TRIM39: variants seen among roughly 807,000 people sequenced by gnomAD.
TRIM39 encodes the protein tripartite motif containing 39.
TRIM39 carries 5 observed loss-of-function variants against 53.6 expected under a neutral mutation model. The ratio of observed to expected loss-of-function variants is 0.09; its 90% CI spans 0.05 to 0.20. TRIM39 has a LOEUF of 0.20. Ranked by LOEUF, TRIM39 falls within the 10% of genes least tolerant of loss-of-function variation. The probability of loss-of-function intolerance (pLI) is 1.00; values close to 1 mark genes in which losing one functional copy is unlikely to be tolerated. For synonymous variants in TRIM39, 196 were observed against 237.6 expected, an observed-to-expected ratio of 0.82 and a Z score of 1.61; for missense variants, 310 against 621.0, an observed-to-expected ratio of 0.50 and a Z score of 5.32.
chr6:30,333,381 G>T (rs1316220033), intron 4 of TRIM39, among the ~76,000 whole-genome samples: 1 of 132,994 alleles, frequency 7.5e-6, no homozygotes, highest in African/African-American at 2.8e-5. Flanking sequence ...TTTTTGAGAC[G>T]GCGTCTCGCT....
rs1785817890 is a variant in TRIM39 at position 30,329,230 on chromosome 6, G to T, written c.-7-81G>T. 2.8e-6 allele frequency: 4 copies of T among 1,448,812 alleles called. 1 individual carries two copies. The Admixed American group carries it at 6.8e-5, about 25-fold the overall frequency. The allele number at this position is 1,448,812 out of a possible 1,614,324, so 89.7% of individuals were successfully genotyped here. Reference sequence around the variant, plus strand: ...GGACTTAACATAGGGATAAATGTCGGGTCAGGGATGCAAAAAAAAAAAAAA... The same window carrying T: ...GGACTTAACATAGGGATAAATGTCGTGTCAGGGATGCAAAAAAAAAAAAAA... On this transcript the variant is annotated intron_variant, in intron 2 of 7. Coordinates refer to ENST00000396551, the Ensembl canonical transcript of TRIM39.
rs190418267 is a variant in TRIM39 at position 30,338,108 on chromosome 6, A to G, written c.781-1800A>G. 2.0e-5 allele frequency among the ~76,000 whole-genome samples: 3 copies of G among 152,342 alleles called. No individual in the cohort carries two copies. The East Asian group carries it at 5.8e-4, about 29-fold the overall frequency. On this transcript the variant is annotated intron_variant, in intron 5 of 7. Coordinates refer to ENST00000396551, the Ensembl canonical transcript of TRIM39. The surrounding 1 kb of genome is among the most constrained non-coding windows in gnomAD (Gnocchi z 4.0). ...GGCTTTGGCTTAAGGGAATCATGTGATCTTATATCCAGATCACTAAAATTT... is the reference window on the plus strand; with the variant it reads ...GGCTTTGGCTTAAGGGAATCATGTGGTCTTATATCCAGATCACTAAAATTT...
At position 30,338,266 on chromosome 6, in the gene TRIM39, G is replaced by A. The variant is rs899875464; in HGVS notation, c.781-1642G>A. 1.3e-5 allele frequency among the ~76,000 whole-genome samples: 2 copies of A among 152,168 alleles called. No individual in the cohort carries two copies. Among genetic ancestry groups the A allele is most frequent in the African/African-American group, 4.8e-5 (2 of 41,438 alleles). ...CTTGGTGTTTGGCACAAGAGGCCTA[G>A]CTTTCAGCCCATCTTGGCTTTCAAT... On this transcript the variant is annotated intron_variant, in intron 5 of 7. Coordinates refer to ENST00000396551, the Ensembl canonical transcript of TRIM39. The surrounding 1 kb of genome is among the most constrained non-coding windows in gnomAD (Gnocchi z 4.0).
At chr6:30,343,173 A>G (rs1197965160) in exon 8 of TRIM39, 1 of 152,642 alleles carries the variant, frequency 6.6e-6, no homozygotes, top group Non-Finnish European at 1.5e-5. Context: ...GGCCTTAAAG[A>G]ATGTTACTTA....
At chr6:30,341,207 CA>C (rs113344801) in intron 7 of TRIM39, among the ~76,000 whole-genome samples, 2,162 of 72,384 alleles carry the variant, frequency 0.03, 29 homozygotes, top group African/African-American at 0.087. Flanking sequence ...GATTCCATCT[CA>C]AAAAAAAAAA....
chr6:30,339,800 C>G lies in TRIM39; in HGVS notation c.781-108C>G. The G allele has an allele frequency of 6.8e-7, 1 of 1,474,112 alleles. No homozygotes were observed. Among genetic ancestry groups the G allele is most frequent in the South Asian group, 1.2e-5 (1 of 85,318 alleles). The allele number at this position is 1,474,112 out of a possible 1,614,324, so 91.3% of individuals were successfully genotyped here. On this transcript the variant is annotated intron_variant, in intron 5 of 7. Transcript: ENST00000396551. The surrounding 1 kb of genome is among the most constrained non-coding windows in gnomAD (Gnocchi z 4.2). ...TGCACTGTGTGACCCTCAGTTTATC[C>G]TATCCCTATTTTATAGCTGTGGAAC...
At chr6:30,333,895 G>A (rs1177454429) in intron 4 of TRIM39, among the ~76,000 whole-genome samples, 2 of 152,026 alleles carry the variant, frequency 1.3e-5, no homozygotes, top group Admixed American at 6.6e-5. Flanking sequence ...AAAGATTACC[G>A]GTTTATAAGA....
rs1787608962 is a variant in TRIM39 at position 30,342,013 on chromosome 6, C to A, written c.1221C>A (p.Asp407Glu). The A allele has an allele frequency of 1.2e-6, 2 of 1,612,926 alleles. No homozygotes were observed. Among genetic ancestry groups the A allele is most frequent in the South Asian group, 1.1e-5 (1 of 91,074 alleles). ...GGCGGGTGCGGCTATGGAATGGGGA[C>A]AAATATGCAGCCACCACCACACCTT... Residue 407 changes from aspartate (D) to glutamate (E), a missense_variant, in exon 8 of 8, where the codon GAC becomes GAA. Transcript: ENST00000396551. The surrounding 1 kb of genome is among the most constrained non-coding windows in gnomAD (Gnocchi z 4.7).
At chr6:30,329,726 G>T in exon 3 of TRIM39, 2 of 1,613,022 alleles carry the variant, frequency 1.2e-6, no homozygotes, top group Non-Finnish European at 1.7e-6. Context: ...CACCCACCGG[G>T]CCCACACCGT....
exon 3 of TRIM39, chr6:30,329,741 C>T: frequency 1.2e-6 from 2 of 1,612,976 alleles, no homozygotes; most frequent in Non-Finnish European, 1.7e-6. Flanking sequence ...CACCGTTGTG[C>T]CACTGGACGA....
At position 30,335,907 on chromosome 6, in the gene TRIM39, C is replaced by T. The variant is rs1428383761; in HGVS notation, c.712C>T (p.Arg238Trp). ...TGCTGCTCACCTTGGGGACAAGCGC[C>T]GGGACCTGGCCCACTTGGCTGCCGA... Residue 238 changes from arginine to tryptophan, a missense_variant, in exon 5 of 8, where the codon CGG becomes TGG. Transcript: ENST00000396551. This position sits in a 1 kb window ranked among gnomAD's most constrained non-coding sequence, Gnocchi z 4.7. 1.9e-6 allele frequency: 3 copies of T among 1,612,748 alleles called. No homozygotes were observed. The highest frequency in any genetic ancestry group is 1.7e-5 in the Admixed American group (1 of 59,964).
chr6:30,329,826 A>G lies in TRIM39; in HGVS notation c.453+56A>G, dbSNP rs9500858. On this transcript the variant is annotated intron_variant, in intron 3 of 7. Transcript: ENST00000396551. ...GGTAAAAAGGGAGAAGCGGCAGAGG[A>G]TGAGATACTCCCTAGGTAGAGATCG... 4.7e-3 allele frequency: 7,352 copies of G among 1,573,554 alleles called. 316 individuals carry two copies. The African/African-American group carries it at 0.085, about 18-fold the overall frequency.
At position 30,328,404 on chromosome 6, in the gene TRIM39, A is replaced by C. The variant is rs559766227; in HGVS notation, c.-160-485A>C. On this transcript the variant is annotated intron_variant, in intron 1 of 7. Transcript: ENST00000396551. ...GAAATGGAATGTTGCGTGAAATGTC[A>C]TTCCAAGAAGAGAGCAGATTTCCTT... Among the ~76,000 whole-genome samples, 4 of 152,390 alleles carry C rather than the reference A, an allele frequency of 2.6e-5. No homozygotes were observed. The East Asian group carries it at 5.8e-4, about 22-fold the overall frequency.
chr6:30,333,380 C>T lies in TRIM39; in HGVS notation c.550-2365C>T, dbSNP rs1452888531. On this transcript the variant is annotated intron_variant, in intron 4 of 7. Coordinates refer to ENST00000396551, the Ensembl canonical transcript of TRIM39. ...TTTTTTTTTTTTTTTTTTTTTGAGA[C>T]GGCGTCTCGCTCTGTCATCCAGGCT... Among the ~76,000 whole-genome samples, 166 of 109,264 alleles carry T rather than the reference C, an allele frequency of 1.5e-3. 1 individual carries two copies. Among genetic ancestry groups the T allele is most frequent in the Non-Finnish European group, 2.1e-3 (121 of 57,732 alleles). 71.7% of individuals were successfully genotyped at this position (109,264 alleles called of 152,430 possible). A position where few individuals can be genotyped will look rare whatever the true frequency, so the allele number is the denominator to read the frequency against.
In TRIM39 at chr6:30,340,079, C is replaced by T. The variant is rs770924969; in HGVS notation, c.803+149C>T. 113 of 1,308,040 alleles carry T rather than the reference C, an allele frequency of 8.6e-5. No homozygotes were observed. In the Middle Eastern group the frequency reaches 9.0e-4, roughly 10 times the overall value. 81.0% of individuals were successfully genotyped at this position (1,308,040 alleles called of 1,614,324 possible). Reference sequence around the variant, plus strand: ...GAGAATGTTCATTGTGCCCATGAAGCCAGTTAGAGAACAAATTATTGGGAA... The same window carrying T: ...GAGAATGTTCATTGTGCCCATGAAGTCAGTTAGAGAACAAATTATTGGGAA... On this transcript the variant is annotated intron_variant, in intron 6 of 7. Transcript: ENST00000396551.
At chr6:30,336,935 A>G (rs147767920) in intron 5 of TRIM39, among the ~76,000 whole-genome samples, 327 of 152,356 alleles carry the variant, frequency 2.1e-3, no homozygotes, top group Middle Eastern at 6.8e-3. Flanking sequence ...TGAAAGTCCA[A>G]ATTACTTCTT....
At chr6:30,341,368 C>G (rs1337043273) in intron 7 of TRIM39, 1 of 597,282 alleles carries the variant, frequency 1.7e-6, no homozygotes. Flanking sequence ...TTAACACTTT[C>G]CGTTTTTTTC....
intron 5 of TRIM39, 123 bp downstream of exon 5, chr6:30,336,098 C>T: frequency 7.1e-7 from 1 of 1,414,694 alleles, no homozygotes; most frequent in Non-Finnish European, 9.7e-7. Context: ...GTTCTTTCTG[C>T]CAGGTGTACT....
intron 4 of TRIM39, among the ~76,000 whole-genome samples, chr6:30,333,493 G>C (rs919001131): frequency 1.3e-5 from 2 of 151,352 alleles, no homozygotes; most frequent in African/African-American, 4.9e-5. Context: ...AAGTACCTGG[G>C]ACTACAGGCG....
Sources: allele counts gnomAD v4.1 joint callset (sites outside exome capture counted in the v4.1 genomes callset), GRCh38; gene constraint gnomAD v4.1.1; non-coding constraint Gnocchi (gnomAD v3.1); transcripts MANE v1.5; gene names NCBI Gene and HGNC (gene_info 2026-07-23, HGNC 2026-07-21).